The following WDR41 variants were observed in gnomAD, a reference collection of about 807,000 sequenced individuals.
The protein encoded by WDR41 is WD repeat domain 41, also known as WD repeat-containing protein 41.
In WDR41, 63 loss-of-function variants were observed where a neutral mutation model predicts 69.3. The observed-to-expected ratio is 0.91, with a 90% CI of 0.74 to 1.12. WDR41 has a LOEUF of 1.12. Among genes scored for constraint, WDR41 ranks in the 50% most tolerant of loss-of-function variants. The pLI is 0.00. For missense variants in WDR41, 543 were observed against 534.5 expected (o/e 1.02, Z -0.16); for synonymous variants, 185 against 192.1 (o/e 0.96, Z 0.31).
At chr5:77,533,908 T>A (rs139668889) in intron 1 of WDR41, among the ~76,000 whole-genome samples, 4 of 152,268 alleles carry the variant, frequency 2.6e-5, no homozygotes, top group Non-Finnish European at 4.4e-5. Context: ...CAGCACTGCA[T>A]CTTCCTTTGC....
intron 1 of WDR41, among the ~76,000 whole-genome samples, chr5:77,593,307 CAG>C (rs149969760): frequency 1.3e-4 from 20 of 149,992 alleles, no homozygotes; most frequent in East Asian, 1.9e-4. Flanking sequence ...GAGGCAGAGA[CAG>C]AGAGAGAGAG....
chr5:77,490,116 C>CA (rs1227144116), intron 1 of WDR41, among the ~76,000 whole-genome samples: 16 of 85,594 alleles, frequency 1.9e-4, no homozygotes, highest in African/African-American at 2.7e-4. Flanking sequence ...TTTTTCGCAC[C>CA]ACACGCCCAA....
chr5:77,478,356 G>A (rs1304989334), intron 2 of WDR41, among the ~76,000 whole-genome samples: 1 of 152,042 alleles, frequency 6.6e-6, no homozygotes, highest in Admixed American at 6.5e-5. Flanking sequence ...ACCAAAGCCG[G>A]GCAGAGACAT....
chr5:77,440,248 TTC>T (rs935699835), intron 9 of WDR41, among the ~76,000 whole-genome samples: 2 of 152,228 alleles, frequency 1.3e-5, no homozygotes, highest in Admixed American at 1.3e-4. Flanking sequence ...TAAAAACATT[TTC>T]TGAGCCCCTG....
chr5:77,576,868 C>A (rs541982027), intron 1 of WDR41, among the ~76,000 whole-genome samples: 79 of 152,244 alleles, frequency 5.2e-4, no homozygotes, highest in Admixed American at 5.1e-3. Context: ...ATTTGAGAGT[C>A]ATATTAAAGT....
rs567691876 is a variant in WDR41, at chr5:77,597,120, C to CA, written c.42+23358dup. Among the ~76,000 whole-genome samples, 994 of 134,670 alleles carry CA rather than the reference C, an allele frequency of 7.4e-3. 11 individuals are homozygous for CA. Among genetic ancestry groups the CA allele is most frequent in the African/African-American group, 0.022 (821 of 36,492 alleles). 88.3% of individuals were successfully genotyped at this position (134,670 alleles called of 152,430 possible). On this transcript the variant is annotated intron_variant, in intron 1 of 5. Coordinates refer to the WDR41 transcript ENST00000509971. ...CCTGGGTGACAGAGTGAGATCCTGTCAAAAAAAAAAGAAGAAAAAGAAAAA... is the reference window on the plus strand; with the variant it reads ...CCTGGGTGACAGAGTGAGATCCTGTCAAAAAAAAAAAGAAGAAAAAGAAAAA...
intron 1 of WDR41, among the ~76,000 whole-genome samples, chr5:77,566,815 G>A (rs1743641420): frequency 6.6e-6 from 1 of 152,134 alleles, no homozygotes. Flanking sequence ...TGCAATCAAA[G>A]TCTGTGCACA....
chr5:77,530,985 G>A (rs889769531), intron 1 of WDR41, among the ~76,000 whole-genome samples: 8 of 151,326 alleles, frequency 5.3e-5, no homozygotes, highest in East Asian at 1.9e-4. Flanking sequence ...CCCTTACCTC[G>A]CTTGTTATAC....
chr5:77,492,310 C>G lies in WDR41; in HGVS notation c.-90G>C. 1 of 1,546,226 alleles carries G rather than the reference C, an allele frequency of 6.5e-7. No individual in the cohort carries two copies. Among genetic ancestry groups the G allele is most frequent in the Non-Finnish European group, 8.8e-7 (1 of 1,136,184 alleles). ...CCTCCTCCTTCCTCCCCGGCTGCAG[C>G]GCAACTGAGACGCTAATACTTCCCG... is the stretch of plus-strand genomic sequence containing the variant. On this transcript the variant is annotated 5_prime_UTR_variant, in exon 1 of 13. Transcript: ENST00000296679.
Position 77,568,626 on chromosome 5 carries a change from G to C in WDR41, c.42+51853C>G, listed in dbSNP as rs181039760. Among the ~76,000 whole-genome samples the C allele has an allele frequency of 8.9e-4, 136 of 152,260 alleles. 2 individuals carry two copies. Among genetic ancestry groups the C allele is most frequent in the Non-Finnish European group, 1.6e-3 (107 of 68,014 alleles). ...CCCCTAAAGGCCACATAGTTCACAA[G>C]GGTCTTTGTGATGACTAAACAATAT... On this transcript the variant is annotated intron_variant, in intron 1 of 5. Transcript: ENST00000509971.
rs572221180 is a variant in WDR41, at chr5:77,502,610, C to A, written c.43-13038G>T. ...GAAATGAATGAAAAAATGTTAAGGGCAGCCAGAGAGAAAGGTCCAGTTACC... is the reference window on the plus strand; with the variant it reads ...GAAATGAATGAAAAAATGTTAAGGGAAGCCAGAGAGAAAGGTCCAGTTACC... On this transcript the variant is annotated intron_variant, in intron 1 of 5. Transcript: ENST00000509971. 3.0e-3 allele frequency among the ~76,000 whole-genome samples: 461 copies of A among 152,278 alleles called. 1 individual carries two copies. The highest frequency in any genetic ancestry group is 0.011 in the African/African-American group (439 of 41,542).
rs114878454 is a variant in WDR41 at position 77,529,700 on chromosome 5, T to C, written c.43-40128A>G. 7.4e-3 allele frequency among the ~76,000 whole-genome samples: 1,128 copies of C among 151,596 alleles called. 10 individuals carry two copies. Among genetic ancestry groups the C allele is most frequent in the Non-Finnish European group, 0.01 (677 of 67,538 alleles). The stretch of plus-strand genomic sequence containing the variant: ...AGATCAATGAGAGAAAATGGAGAGT[T>C]AAGAAGCAAATCCAGGCATAAATGA... On this transcript the variant is annotated intron_variant, in intron 1 of 5. Coordinates refer to the WDR41 transcript ENST00000509971.
intron 1 of WDR41, among the ~76,000 whole-genome samples, chr5:77,556,370 G>T (rs1277580088): frequency 1.3e-5 from 2 of 152,026 alleles, no homozygotes; most frequent in Admixed American, 1.3e-4. Flanking sequence ...CTCCCAAAGC[G>T]CTGGGATTAC....
chr5:77,556,351 C>T (rs1024467037), intron 1 of WDR41, among the ~76,000 whole-genome samples: 7 of 151,834 alleles, frequency 4.6e-5, no homozygotes, highest in Non-Finnish European at 1.0e-4. Flanking sequence ...GTAATCCACC[C>T]ACCTTGGCCT....
In WDR41 at chr5:77,547,685, A is replaced by G. The variant is rs141085405; in HGVS notation, c.43-58113T>C. Among the ~76,000 whole-genome samples the G allele has an allele frequency of 3.5e-3, 533 of 152,282 alleles. 5 individuals carry two copies. Among genetic ancestry groups the G allele is most frequent in the African/African-American group, 0.012 (504 of 41,514 alleles). On this transcript the variant is annotated intron_variant, in intron 1 of 5. Coordinates refer to the WDR41 transcript ENST00000509971. The stretch of plus-strand genomic sequence containing the variant: ...ATGCTCATGGATGTGTAGAATCAAT[A>G]TTGTGAAAATGACCACACTGCCAAA...
chr5:77,514,539 T>C (rs1802264986), intron 1 of WDR41, among the ~76,000 whole-genome samples: 1 of 152,204 alleles, frequency 6.6e-6, no homozygotes, highest in African/African-American at 2.4e-5. Flanking sequence ...ACCAAGACCA[T>C]GTCTACCTAC....
At chr5:77,471,570 C>T (rs139703603) in intron 2 of WDR41, among the ~76,000 whole-genome samples, 9,895 of 151,812 alleles carry the variant, frequency 0.065, 580 homozygotes, top group African/African-American at 0.15. Flanking sequence ...ATCAAATAGA[C>T]GCAATAAAAA....
At chr5:77,606,524 T>C (rs1580049159) in intron 1 of WDR41, among the ~76,000 whole-genome samples, 1 of 152,010 alleles carries the variant, frequency 6.6e-6, no homozygotes, top group Non-Finnish European at 1.5e-5. Context: ...ATAAATGTAA[T>C]AGAGGCTGGG....
intron 1 of WDR41, among the ~76,000 whole-genome samples, chr5:77,542,806 A>G (rs562644342): frequency 2.1e-4 from 32 of 152,348 alleles, no homozygotes; most frequent in African/African-American, 7.5e-4. Flanking sequence ...CAGCATGTGA[A>G]GCTCACATTG....
Sources: allele counts gnomAD v4.1 joint callset (sites outside exome capture counted in the v4.1 genomes callset), GRCh38; gene constraint gnomAD v4.1.1; transcripts MANE v1.5; gene names NCBI Gene and HGNC (gene_info 2026-07-23, HGNC 2026-07-21).